PARVG: variants seen among roughly 807,000 people sequenced by gnomAD.
PARVG encodes gamma-parvin.
In PARVG, 36 loss-of-function variants were observed where a neutral mutation model predicts 44.4. The observed-to-expected ratio is 0.81, with a 90% CI of 0.62 to 1.07. PARVG has a LOEUF of 1.07. Ranked by LOEUF, PARVG falls within the 50% of genes least tolerant of loss-of-function variation. The probability of loss-of-function intolerance (pLI) is 0.00; values close to 1 mark genes in which losing one functional copy is unlikely to be tolerated. For missense variants in PARVG, 407 were observed against 407.4 expected (o/e 1.00, Z 0.01); for synonymous variants, 170 against 174.1 (o/e 0.98, Z 0.19).
At position 44,189,210 on chromosome 22, in the gene PARVG, G is replaced by T. The variant is rs761655271; in HGVS notation, c.344G>T (p.Arg115Leu). The T allele has an allele frequency of 3.7e-6, 6 of 1,614,220 alleles. No individual in the cohort carries two copies. In the African/African-American group the frequency reaches 4.0e-5, roughly 11 times the overall value. ...ACAGTGGTGCTGGAGGCCGTGAACCGGAGTCTGCAGCTGGAGGAGTGGCAG... is the reference window on the plus strand; with the variant it reads ...ACAGTGGTGCTGGAGGCCGTGAACCTGAGTCTGCAGCTGGAGGAGTGGCAG... ...KLTVVLEAVN[R>L]SLQLEEWQAK... is the part of the protein sequence containing the mutation. The change falls in exon 6 of 14, where the codon CGG becomes CTG. Residue 115 changes from arginine to leucine, a missense_variant. Arg to Leu is a moderately radical substitution (Grantham distance 102). Transcript: ENST00000444313.
In PARVG at chr22:44,207,523, G is replaced by C. The variant is rs1356039035; in HGVS notation, c.*1097G>C. On this transcript the variant is annotated 3_prime_UTR_variant, in exon 14 of 14. Coordinates refer to ENST00000444313, the MANE Select transcript of PARVG (RefSeq NM_022141.7). ...GGGAGGGGTGAGGCTGGGGAGAAGG[G>C]CAACCACAGCCCCAGGCTGCTGCTC... 1 of 152,462 alleles carries C rather than the reference G, an allele frequency of 6.6e-6. No homozygotes were observed. The highest frequency in any genetic ancestry group is 6.6e-5 in the Admixed American group (1 of 15,248). The allele number at this position is 152,462 out of a possible 1,614,324, so 9.4% of individuals were successfully genotyped here.
At chr22:44,176,546 T>C (rs1009979227), upstream of PARVG, among the ~76,000 whole-genome samples, 8 of 151,758 alleles carry the variant, frequency 5.3e-5, no homozygotes, top group African/African-American at 1.9e-4. Context: ...TTTGGATACT[T>C]CAAGCATCTG....
chr22:44,186,583 T>G (rs1299368469), intron 4 of PARVG: 1 of 471,208 alleles, frequency 2.1e-6, no homozygotes, highest in Non-Finnish European at 4.4e-6. Flanking sequence ...CCAGCACACC[T>G]GGCCCAGCCC....
At chr22:44,195,712 G>A (rs1430613626) in intron 9 of PARVG, among the ~76,000 whole-genome samples, 1 of 152,214 alleles carries the variant, frequency 6.6e-6, no homozygotes, top group Non-Finnish European at 1.5e-5. Flanking sequence ...CATGGACCCT[G>A]ATCACCCACC....
At chr22:44,200,999 C>G (rs917982172) in intron 12 of PARVG, among the ~76,000 whole-genome samples, 1 of 152,126 alleles carries the variant, frequency 6.6e-6, no homozygotes, top group Admixed American at 6.5e-5. Flanking sequence ...CTGCCGACTC[C>G]CAGCCACAGC....
At chr22:44,186,280 C>T in intron 4 of PARVG, 1 of 321,572 alleles carries the variant, frequency 3.1e-6, no homozygotes, top group Non-Finnish European at 6.2e-6. Context: ...CTTGTCTGCC[C>T]AAGGTGTAGG....
chr22:44,205,885 G>A (rs1212385208), intron 13 of PARVG, 56 bp downstream of exon 13: 10 of 1,575,504 alleles, frequency 6.3e-6, no homozygotes, highest in Admixed American at 1.8e-5. Flanking sequence ...AGCCTTGTGC[G>A]AGAGCCACAG....
intron 1 of PARVG, among the ~76,000 whole-genome samples, chr22:44,175,877 T>G (rs1332035156): frequency 2.0e-5 from 3 of 152,204 alleles, no homozygotes; most frequent in Non-Finnish European, 4.4e-5. Flanking sequence ...GGCCACATAT[T>G]CTTCCAGTCC....
chr22:44,184,874 A>C (rs1030435582), intron 3 of PARVG: 2 of 152,224 alleles, frequency 1.3e-5, no homozygotes, highest in Non-Finnish European at 2.9e-5. Context: ...AAACAAAAAA[A>C]CCCATTAATT....
upstream of PARVG, among the ~76,000 whole-genome samples, chr22:44,177,084 C>T (rs1389524170): frequency 6.6e-6 from 1 of 152,098 alleles, no homozygotes; most frequent in Non-Finnish European, 1.5e-5. Context: ...ATAGCCAAAC[C>T]ATATCACTAT....
rs747852658 is a variant in PARVG, at chr22:44,192,104, G to A, written c.560G>A (p.Ser187Asn). ...TTGGTGGAACAGCTCACTGAATACA[G>A]GTGAGGGAAGGATGAGGGCCCATGG... is the stretch of plus-strand genomic sequence containing the variant. ...EKLVEQLTEY[S>N]TDKDEPPKDV... Residue 187 changes from serine (S) to asparagine (N), a missense_variant and splice_region_variant, in exon 8 of 14, where the codon AGC becomes AAC. Physicochemically the swap from Ser to Asn is conservative, Grantham distance 46 (BLOSUM62 1). Transcript: ENST00000444313. The A allele has an allele frequency of 1.2e-6, 2 of 1,613,188 alleles. No homozygotes were observed. The highest frequency in any genetic ancestry group is 1.7e-6 in the Non-Finnish European group (2 of 1,179,956).
In PARVG at chr22:44,198,715, C is replaced by A; in HGVS notation, c.806C>A (p.Ala269Glu). The part of the protein sequence containing the change: ...KEFYLTPNSP[A>E]EMLHNVTLAL... ...TTCTACCTCACTCCCAACTCTCCTG[C>A]AGAAATGGTAAGTTTTCCAAGGATT... is the stretch of plus-strand genomic sequence containing the variant. The change falls in exon 12 of 14, where the codon GCA (alanine) becomes GAA (glutamate). Residue 269 changes from alanine to glutamate, a missense_variant. Ala to Glu is a moderately radical substitution (Grantham distance 107). Transcript: ENST00000444313. 2 of 1,607,938 alleles carry A rather than the reference C, an allele frequency of 1.2e-6. No individual in the cohort carries two copies. Among genetic ancestry groups the A allele is most frequent in the Non-Finnish European group, 8.5e-7 (1 of 1,174,252 alleles).
Position 44,206,715 on chromosome 22 carries a change from G to A in PARVG, c.*289G>A. 2.4e-6 allele frequency: 1 copy of A among 411,096 alleles called. No homozygotes were observed. Among genetic ancestry groups the A allele is most frequent in the Non-Finnish European group, 4.5e-6 (1 of 222,770 alleles). The allele number at this position is 411,096 out of a possible 1,614,324, so 25.5% of individuals were successfully genotyped here. A position where few individuals can be genotyped will look rare whatever the true frequency, so the allele number is the denominator to read the frequency against. On this transcript the variant is annotated 3_prime_UTR_variant, in exon 14 of 14. Coordinates refer to ENST00000444313, the MANE Select transcript of PARVG (RefSeq NM_022141.7). ...TTAAACCTGCAGCCTCCCTCCCATGGGGTGAGTGTGTGTCACATCAGTCTC... is the reference window on the plus strand; with the variant it reads ...TTAAACCTGCAGCCTCCCTCCCATGAGGTGAGTGTGTGTCACATCAGTCTC...
chr22:44,183,207 A>G (rs2147218534), intron 2 of PARVG, 111 bp from the exon 3 acceptor site: 2 of 997,262 alleles, frequency 2.0e-6, no homozygotes, highest in Non-Finnish European at 2.9e-6. Context: ...ACGTGTCCCC[A>G]GAACCTGGCT....
At chr22:44,175,829 G>A (rs1326533891) in intron 1 of PARVG, among the ~76,000 whole-genome samples, 10 of 152,180 alleles carry the variant, frequency 6.6e-5, no homozygotes, top group Admixed American at 6.5e-5. Context: ...GCATAGAGGC[G>A]GGTAAGGAGG....
chr22:44,173,254 C>A, intron 1 of PARVG: 2 of 1,169,940 alleles, frequency 1.7e-6, no homozygotes, highest in Non-Finnish European at 2.2e-6. Flanking sequence ...ACAAAGCTAG[C>A]GGCCAGGAGC....
chr22:44,185,806 A>G lies in PARVG; in HGVS notation c.80-2A>G. The G allele has an allele frequency of 6.2e-7, 1 of 1,612,970 alleles. No homozygotes were observed. Among genetic ancestry groups the G allele is most frequent in the Non-Finnish European group, 8.5e-7 (1 of 1,179,274 alleles). On this transcript the variant is annotated splice_acceptor_variant, in intron 3 of 13. Transcript: ENST00000444313. LOFTEE classifies it high-confidence loss of function. ...CGCTTGTCATACCCACTCTGCTTCC[A>G]GGAGGAAAGAAGAAATACCTGCCAC...
At chr22:44,205,140 G>A (rs1458040532) in intron 12 of PARVG, among the ~76,000 whole-genome samples, 1 of 152,208 alleles carries the variant, frequency 6.6e-6, no homozygotes, top group East Asian at 1.9e-4. Flanking sequence ...CCAGGCAAGG[G>A]GTGGCGGAAA....
At chr22:44,186,347 G>T (rs1311901913) in intron 4 of PARVG, 17 of 341,976 alleles carry the variant, frequency 5.0e-5, no homozygotes, top group South Asian at 3.4e-4. Flanking sequence ...TTCTCTCCTT[G>T]GTCATGGGTC....
Sources: gnomAD v4.1 joint callset for allele counts (sites outside exome capture counted in the v4.1 genomes callset) on GRCh38, gnomAD v4.1.1 for gene constraint, MANE v1.5 for transcripts, NCBI Gene and HGNC (gene_info 2026-07-23, HGNC 2026-07-21) for gene names.